LHFPL2: variants seen among roughly 807,000 people sequenced by gnomAD.
The protein encoded by LHFPL2 is LHFPL tetraspan subfamily member 2 protein.
In LHFPL2, 7 loss-of-function variants were observed where a neutral mutation model predicts 17.5. The observed-to-expected ratio is 0.40, with a 90% CI of 0.23 to 0.75. The LOEUF is 0.75. Ranked by LOEUF, LHFPL2 falls within the 30% of genes least tolerant of loss-of-function variation. The pLI, the probability that LHFPL2 is intolerant of heterozygous loss-of-function variation, is 0.37. For missense variants in LHFPL2, 241 were observed against 294.8 expected (o/e 0.82, Z 1.34); for synonymous variants, 134 against 116.2 (o/e 1.15, Z -0.99).
At chr5:78,620,289 CT>C (rs1744801964) in intron 2 of LHFPL2, among the ~76,000 whole-genome samples, 1 of 151,938 alleles carries the variant, frequency 6.6e-6, no homozygotes, top group Admixed American at 6.6e-5. Flanking sequence ...TGTTTTTTGG[CT>C]GCATAAATGT....
chr5:78,623,445 C>A (rs1744928910), intron 2 of LHFPL2, among the ~76,000 whole-genome samples: 1 of 152,048 alleles, frequency 6.6e-6, no homozygotes, highest in South Asian at 2.1e-4. Context: ...GGTTATAGAC[C>A]CCCATAGATT....
At chr5:78,563,308 C>T (rs1487298458) in intron 3 of LHFPL2, among the ~76,000 whole-genome samples, 1 of 152,200 alleles carries the variant, frequency 6.6e-6, no homozygotes, top group Non-Finnish European at 1.5e-5. Flanking sequence ...TTAATTTCAA[C>T]ATACAGGCAA....
At chr5:78,577,544 G>A (rs548292153) in intron 2 of LHFPL2, among the ~76,000 whole-genome samples, 11 of 152,056 alleles carry the variant, frequency 7.2e-5, no homozygotes, top group South Asian at 2.1e-4. Flanking sequence ...AAAAGTGAAC[G>A]ACCAAGAACT....
chr5:78,531,921 C>T lies in LHFPL2; in HGVS notation c.-185-21523G>A, dbSNP rs1033914731. Among the ~76,000 whole-genome samples the T allele has an allele frequency of 4.0e-5, 6 of 150,692 alleles. No individual in the cohort carries two copies. The East Asian group carries it at 5.8e-4, about 15-fold the overall frequency. Reference sequence around the variant, plus strand: ...GGAGTACAAGCAGCACCACCATGCCCGGCTAATTTTTTTTTTTTTTTGAGA... The same window carrying T: ...GGAGTACAAGCAGCACCACCATGCCTGGCTAATTTTTTTTTTTTTTTGAGA... On this transcript the variant is annotated intron_variant, in intron 3 of 4. Coordinates refer to ENST00000380345, the MANE Select transcript of LHFPL2 (RefSeq NM_005779.3).
At chr5:78,503,929 T>G (rs1299728780) in intron 4 of LHFPL2, among the ~76,000 whole-genome samples, 3 of 152,182 alleles carry the variant, frequency 2.0e-5, no homozygotes, top group Non-Finnish European at 4.4e-5. Flanking sequence ...TAGACCTGCG[T>G]CTACAGGTCT....
At chr5:78,610,930 G>A (rs750490856) in intron 2 of LHFPL2, among the ~76,000 whole-genome samples, 1 of 151,908 alleles carries the variant, frequency 6.6e-6, no homozygotes, top group African/African-American at 2.4e-5. Flanking sequence ...AGCATTGCAC[G>A]GGCATTAACA....
intron 4 of LHFPL2, among the ~76,000 whole-genome samples, chr5:78,505,983 C>A (rs1278408366): frequency 6.6e-6 from 1 of 152,250 alleles, no homozygotes; most frequent in Non-Finnish European, 1.5e-5. Context: ...ACCCTCATTA[C>A]TGAGTGAGTG....
At chr5:78,547,437 C>A (rs868789690) in intron 3 of LHFPL2, among the ~76,000 whole-genome samples, 1 of 152,198 alleles carries the variant, frequency 6.6e-6, no homozygotes, top group African/African-American at 2.4e-5. Context: ...GCACACATGA[C>A]GTCTGATATC....
chr5:78,549,346 T>C (rs986390537), intron 3 of LHFPL2, among the ~76,000 whole-genome samples: 2 of 152,112 alleles, frequency 1.3e-5, no homozygotes, highest in African/African-American at 2.4e-5. Flanking sequence ...ATTTCAGCCA[T>C]GAAGGGAAGT....
intron 2 of LHFPL2, among the ~76,000 whole-genome samples, chr5:78,619,076 A>G (rs1744732877): frequency 1.3e-5 from 2 of 152,096 alleles, no homozygotes; most frequent in South Asian, 2.1e-4. Context: ...CCCAGGTTGG[A>G]GTGCAGTGGT....
Position 78,526,479 on chromosome 5 carries a change from C to T in LHFPL2, c.-185-16081G>A, listed in dbSNP as rs561591699. On this transcript the variant is annotated intron_variant, in intron 3 of 4. Coordinates refer to ENST00000380345, the MANE Select transcript of LHFPL2 (RefSeq NM_005779.3). ...AATATTTACTGAAATACTGTCTTTG[C>T]GGTCTTCTTCTGAACCCATGTTATA... Among the ~76,000 whole-genome samples, 38 of 152,286 alleles carry T rather than the reference C, an allele frequency of 2.5e-4. No homozygotes were observed. In the South Asian group the frequency reaches 5.8e-3, roughly 23 times the overall value.
rs527760796 is a variant in LHFPL2, at chr5:78,638,303, G to A, written c.-349-5935C>T. Among the ~76,000 whole-genome samples, 4 of 152,238 alleles carry A rather than the reference G, an allele frequency of 2.6e-5. No individual in the cohort carries two copies. The South Asian group carries it at 8.3e-4, about 32-fold the overall frequency. On this transcript the variant is annotated intron_variant, in intron 1 of 4. Coordinates refer to ENST00000380345, the MANE Select transcript of LHFPL2 (RefSeq NM_005779.3). The stretch of plus-strand genomic sequence containing the variant: ...AGGGAGGCGGGGCTTGCAGTGAGCC[G>A]AGATGGCACCACTGCACTCCAGCCT...
At chr5:78,587,219 A>G (rs1233286447) in intron 2 of LHFPL2, among the ~76,000 whole-genome samples, 1 of 146,552 alleles carries the variant, frequency 6.8e-6, no homozygotes, top group Non-Finnish European at 1.5e-5. Flanking sequence ...AAAGCCAATT[A>G]AAGTTGGTCC....
intron 3 of LHFPL2, among the ~76,000 whole-genome samples, chr5:78,516,410 C>T (rs957516882): frequency 3.9e-5 from 6 of 152,208 alleles, no homozygotes; most frequent in South Asian, 2.1e-4. Flanking sequence ...TTGCAGGGGA[C>T]GTTTGGCAAT....
At chr5:78,573,271 T>C (rs1228703612) in intron 2 of LHFPL2, among the ~76,000 whole-genome samples, 1 of 152,224 alleles carries the variant, frequency 6.6e-6, no homozygotes, top group East Asian at 1.9e-4. Flanking sequence ...GAAAAACTTC[T>C]TGGCACAGAC....
intron 2 of LHFPL2, among the ~76,000 whole-genome samples, chr5:78,610,024 C>T (rs886893652): frequency 3.3e-5 from 5 of 152,090 alleles, no homozygotes; most frequent in Non-Finnish European, 7.4e-5. Context: ...CTAAACCTGC[C>T]GGGGGATCAG....
Position 78,510,190 on chromosome 5 carries a change from A to G in LHFPL2, c.24T>C (p.Cys8=). The part of the protein sequence containing the change: MCHVIVT[C]RSMLWTLLSI... ...TCAGCAAGGTCCAGAGCATCGAGCG[A>G]CAGGTGACAATGACATGACACATAT... The change falls in exon 4 of 5, where the codon TGT becomes TGC. Residue 8 remains cysteine (C), a synonymous_variant. Transcript: ENST00000380345. 1 of 1,600,210 alleles carries G rather than the reference A, an allele frequency of 6.2e-7. No homozygotes were observed. The highest frequency in any genetic ancestry group is 8.5e-7 in the Non-Finnish European group (1 of 1,170,936).
At chr5:78,627,267 A>G (rs1745078611) in intron 2 of LHFPL2, among the ~76,000 whole-genome samples, 1 of 152,042 alleles carries the variant, frequency 6.6e-6, no homozygotes, top group African/African-American at 2.4e-5. Flanking sequence ...CTTTCAGATG[A>G]TATGCACAGG....
chr5:78,529,571 G>T (rs1755719010), intron 3 of LHFPL2, among the ~76,000 whole-genome samples: 1 of 152,116 alleles, frequency 6.6e-6, no homozygotes, highest in Non-Finnish European at 1.5e-5. Flanking sequence ...GGGAAGCGGA[G>T]CTTGCAGTGA....
Sources: gnomAD v4.1 joint callset for allele counts (sites outside exome capture counted in the v4.1 genomes callset) on GRCh38, gnomAD v4.1.1 for gene constraint, MANE v1.5 for transcripts, NCBI Gene and HGNC (gene_info 2026-07-23, HGNC 2026-07-21) for gene names.